Variants in GALNT16 observed in about 807,000 individuals in gnomAD.
GALNT16 encodes the protein polypeptide N-acetylgalactosaminyltransferase 16.
A neutral mutation model predicts 76.1 loss-of-function variants in GALNT16; 40 were observed. That is an observed-to-expected ratio of 0.53 (90% confidence interval 0.41 to 0.68). The LOEUF is 0.68. Ranked by LOEUF, GALNT16 falls within the 30% of genes least tolerant of loss-of-function variation. The probability of loss-of-function intolerance (pLI) is 0.00; values close to 1 mark genes in which losing one functional copy is unlikely to be tolerated. For missense variants in GALNT16, 621 were observed against 731.9 expected (o/e 0.85, Z 1.75); for synonymous variants, 276 against 285.2 (o/e 0.97, Z 0.32).
At chr14:69,289,695 C>T (rs2044664264) in intron 1 of GALNT16, among the ~76,000 whole-genome samples, 1 of 152,036 alleles carries the variant, frequency 6.6e-6, no homozygotes, top group African/African-American at 2.4e-5. Flanking sequence ...ACTAGGCTTC[C>T]CAAAACAAAC....
intron 6 of GALNT16, 46 bp downstream of exon 6, chr14:69,328,617 C>T: frequency 2.5e-6 from 4 of 1,587,010 alleles, no homozygotes; most frequent in Non-Finnish European, 3.4e-6. Flanking sequence ...GGGACTCAGC[C>T]ACTACGTTCC....
Position 69,347,080 on chromosome 14 carries a change from G to A in GALNT16, c.1312G>A (p.Gly438Arg), listed in dbSNP as rs779650408. Residue 438 changes from glycine to arginine, a missense_variant, in exon 13 of 15, where the codon GGG becomes AGG. Coordinates refer to ENST00000448469, the MANE Select transcript of GALNT16 (RefSeq NM_001168368.2). ...AGCACTCCCCGGCATCATTAAGCAGGGGGTGAACTGCTTAGAATCTCAGGG... is the reference window on the plus strand; with the variant it reads ...AGCACTCCCCGGCATCATTAAGCAGAGGGTGAACTGCTTAGAATCTCAGGG... ...KEALPGIIKQGVNCLESQGQN... is the reference protein window; with the variant it reads ...KEALPGIIKQRVNCLESQGQN... 3.7e-6 allele frequency: 6 copies of A among 1,613,846 alleles called. No individual in the cohort carries two copies. In the South Asian group the frequency reaches 6.6e-5, roughly 18 times the overall value.
In GALNT16 at chr14:69,341,725, C is replaced by T; in HGVS notation, c.1232C>T (p.Ser411Phe). 4 of 1,613,232 alleles carry T rather than the reference C, an allele frequency of 2.5e-6. No individual in the cohort carries two copies. In the South Asian group the frequency reaches 4.4e-5, roughly 18 times the overall value. The change falls in exon 12 of 15, where the codon TCC (serine) becomes TTC (phenylalanine). Residue 411 changes from serine to phenylalanine, a missense_variant. By Grantham distance (155) the Ser-to-Phe change is radical. Transcript: ENST00000448469. ...CAGAGGAAGAAGATGAACTGCAAGT[C>T]CTTCCGCTGGTACCTGGAGAACGTC... ...IEQRKKMNCKSFRWYLENVYP... is the reference protein window; with the variant it reads ...IEQRKKMNCKFFRWYLENVYP...
Position 69,314,844 on chromosome 14 carries a change from G to GC in GALNT16, c.178-5865dup, listed in dbSNP as rs1233258483. ...AGCAGACTCAGGAAAAAAGTCAGGG[G>GC]CCATCCATAAAATAGGGCCAGAGCC... On this transcript the variant is annotated intron_variant, in intron 1 of 14. Transcript: ENST00000448469. Among the ~76,000 whole-genome samples, 5 of 152,146 alleles carry GC rather than the reference G, an allele frequency of 3.3e-5. No individual in the cohort carries two copies. The East Asian group carries it at 9.7e-4, about 29-fold the overall frequency.
the GALNT16 span, among the ~76,000 whole-genome samples, chr14:69,383,907 G>A: frequency 2.6e-5 from 4 of 152,252 alleles, no homozygotes; most frequent in Admixed American, 2.0e-4. Context: ...CACTCCTTGG[G>A]GAGGCTGAGG....
In GALNT16 at chr14:69,269,493, G is replaced by C. The variant is rs528096527; in HGVS notation, c.177+9026G>C. Among the ~76,000 whole-genome samples, 198 of 149,702 alleles carry C rather than the reference G, an allele frequency of 1.3e-3. 2 individuals are homozygous for C. The highest frequency in any genetic ancestry group is 0.011 in the South Asian group (51 of 4,654). On this transcript the variant is annotated intron_variant, in intron 1 of 14. Transcript: ENST00000448469. ...TGTGTGTGTAGTATGTGATGTGTGT[G>C]TGTGGCATTTGTGTGTGTGTGATGT...
intron 1 of GALNT16, among the ~76,000 whole-genome samples, chr14:69,300,705 A>T (rs1160565975): frequency 6.6e-6 from 1 of 152,156 alleles, no homozygotes; most frequent in Non-Finnish European, 1.5e-5. Context: ...GACAGTTGGT[A>T]GAGGTCTTGG....
intron 9 of GALNT16, among the ~76,000 whole-genome samples, chr14:69,337,403 G>A (rs576003501): frequency 6.6e-5 from 10 of 152,326 alleles, no homozygotes; most frequent in African/African-American, 2.4e-4. Flanking sequence ...GATGGTTACT[G>A]CTATTGTTAT....
chr14:69,270,491 G>C (rs921478844), intron 1 of GALNT16, among the ~76,000 whole-genome samples: 1 of 152,230 alleles, frequency 6.6e-6, no homozygotes, highest in Non-Finnish European at 1.5e-5. Flanking sequence ...TCAAAGTTCA[G>C]ATTTTCATCC....
intron 1 of GALNT16, among the ~76,000 whole-genome samples, chr14:69,305,907 A>G (rs1594837869): frequency 6.6e-6 from 1 of 151,960 alleles, no homozygotes; most frequent in Non-Finnish European, 1.5e-5. Flanking sequence ...CCAGTCTTAT[A>G]TTTGTCTTTA....
intron 12 of GALNT16, among the ~76,000 whole-genome samples, chr14:69,346,811 C>T (rs186553675): frequency 9.7e-4 from 147 of 152,260 alleles, no homozygotes; most frequent in Admixed American, 3.3e-3. Flanking sequence ...GGCCCAGCCT[C>T]CAGGGCAGAG....
At chr14:69,263,994 C>T (rs2044308740) in intron 1 of GALNT16, among the ~76,000 whole-genome samples, 1 of 152,204 alleles carries the variant, frequency 6.6e-6, no homozygotes, top group Admixed American at 6.5e-5. Flanking sequence ...CTGACACAGC[C>T]GGCCTTGAGT....
At chr14:69,348,696 A>G (rs2045596278) in intron 14 of GALNT16, 1 of 152,452 alleles carries the variant, frequency 6.6e-6, no homozygotes, top group Non-Finnish European at 1.5e-5. Flanking sequence ...ATCCTGGGAG[A>G]CAGGTCAGGG....
At chr14:69,291,925 G>A (rs1035066854) in intron 1 of GALNT16, among the ~76,000 whole-genome samples, 52 of 152,142 alleles carry the variant, frequency 3.4e-4, no homozygotes, top group African/African-American at 1.1e-3. Context: ...GTAGGCACCC[G>A]AAGTCCTGTA....
chr14:69,319,023 C>T (rs1446047056), intron 1 of GALNT16, among the ~76,000 whole-genome samples: 3 of 152,258 alleles, frequency 2.0e-5, no homozygotes, highest in African/African-American at 7.2e-5. Context: ...GGGGGCTCCG[C>T]CACATCTGTT....
intron 1 of GALNT16, among the ~76,000 whole-genome samples, chr14:69,272,964 C>T (rs2044424594): frequency 6.6e-6 from 1 of 152,198 alleles, no homozygotes; most frequent in Non-Finnish European, 1.5e-5. Flanking sequence ...CCTAATGACG[C>T]ATTTCTCAGA....
At chr14:69,323,955 G>T (rs1320070037) in intron 2 of GALNT16, among the ~76,000 whole-genome samples, 1 of 152,146 alleles carries the variant, frequency 6.6e-6, no homozygotes, top group African/African-American at 2.4e-5. Flanking sequence ...AAATGCATAC[G>T]CAGAAACAAC....
intron 1 of GALNT16, among the ~76,000 whole-genome samples, chr14:69,264,570 C>T (rs761875944): frequency 3.3e-5 from 5 of 152,142 alleles, no homozygotes; most frequent in East Asian, 1.9e-4. Flanking sequence ...TCTCAGAGAG[C>T]GGATGCTTTA....
At position 69,347,083 on chromosome 14, in the gene GALNT16, G is replaced by A. The variant is rs1452277824; in HGVS notation, c.1315G>A (p.Val439Met). ...EALPGIIKQG[V>M]NCLESQGQNT... ...ACTCCCCGGCATCATTAAGCAGGGG[G>A]TGAACTGCTTAGAATCTCAGGGCCA... The change falls in exon 13 of 15, where the codon GTG becomes ATG. Residue 439 changes from valine (V) to methionine (M), a missense_variant. By Grantham distance (21) the Val-to-Met change is conservative. Transcript: ENST00000448469. 4 of 1,613,694 alleles carry A rather than the reference G, an allele frequency of 2.5e-6. No individual in the cohort carries two copies. The highest frequency in any genetic ancestry group is 2.5e-6 in the Non-Finnish European group (3 of 1,179,634).
Sources: allele counts gnomAD v4.1 joint callset (sites outside exome capture counted in the v4.1 genomes callset), GRCh38; gene constraint gnomAD v4.1.1; transcripts MANE v1.5; gene names NCBI Gene and HGNC (gene_info 2026-07-23, HGNC 2026-07-21).